PCF11: variants seen among roughly 807,000 people sequenced by gnomAD.
PCF11 encodes the protein pre-mRNA cleavage complex 2 protein Pcf11.
A neutral mutation model predicts 166.1 loss-of-function variants in PCF11; 19 were observed. The ratio of observed to expected loss-of-function variants is 0.11; its 90% CI spans 0.08 to 0.17. The LOEUF (loss-of-function observed/expected upper bound fraction) is 0.17, where lower values mean the gene tolerates loss of function less well. PCF11 is among the 10% of genes least tolerant of loss of function. The pLI is 1.00. For missense variants in PCF11, 1,565 were observed against 1,855.5 expected (o/e 0.84, Z 2.88); for synonymous variants, 663 against 644.1 (o/e 1.03, Z -0.44).
intron 2 of PCF11, among the ~76,000 whole-genome samples, chr11:83,162,282 A>G (rs748870919): frequency 3.9e-5 from 6 of 152,186 alleles, no homozygotes; most frequent in Non-Finnish European, 8.8e-5. Flanking sequence ...GTAGATGAAC[A>G]CCTGTGTGTC....
chr11:83,166,522 G>C, exon 5 of PCF11: 1 of 1,613,896 alleles, frequency 6.2e-7, no homozygotes, highest in Non-Finnish European at 8.5e-7. Context: ...AGGGAAGACA[G>C]AAATGCTAAG....
Position 83,167,566 on chromosome 11 carries a change from A to G in PCF11, c.2092+61A>G, listed in dbSNP as rs1391762084. 3 of 1,567,784 alleles carry G rather than the reference A, an allele frequency of 1.9e-6. No individual in the cohort carries two copies. Among genetic ancestry groups the G allele is most frequent in the African/African-American group, 1.4e-5 (1 of 73,898 alleles). On this transcript the variant is annotated intron_variant, in intron 7 of 15. Coordinates refer to ENST00000298281, the Ensembl canonical transcript of PCF11. The surrounding 1 kb of genome is among the most constrained non-coding windows in gnomAD (Gnocchi z 4.2). ...GAAGAAAATAAAGGTGGATTAAAAA[A>G]GAAACCTCTCTTATCTGATGCTGAA...
chr11:83,169,246 G>A, exon 8 of PCF11: 1 of 1,613,744 alleles, frequency 6.2e-7, no homozygotes, highest in Non-Finnish European at 8.5e-7. Flanking sequence ...GAGATTTGAG[G>A]GACAACATAA....
At chr11:83,159,585 A>C (rs1187583567) in intron 1 of PCF11, among the ~76,000 whole-genome samples, 1 of 152,196 alleles carries the variant, frequency 6.6e-6, no homozygotes, top group Non-Finnish European at 1.5e-5. Context: ...TTTGCTGGTA[A>C]AAGACAGCTG....
intron 11 of PCF11, among the ~76,000 whole-genome samples, chr11:83,178,335 T>G (rs922448940): frequency 3.9e-5 from 6 of 152,092 alleles, no homozygotes; most frequent in Non-Finnish European, 5.9e-5. Context: ...AAATTTTCAT[T>G]TTTTAATCTG....
intron 1 of PCF11, 47 bp from the exon 2 acceptor site, chr11:83,161,280 T>A: frequency 2.7e-6 from 4 of 1,480,304 alleles, no homozygotes; most frequent in Non-Finnish European, 3.7e-6. Context: ...AAATAATTAT[T>A]TGGTGGTAAT....
exon 16 of PCF11, chr11:83,186,492 C>T (rs1341462019): frequency 1.3e-5 from 2 of 152,252 alleles, no homozygotes; most frequent in Admixed American, 1.3e-4. Context: ...CTGCCTTGGC[C>T]TCCCAGAGTG....
exon 14 of PCF11, chr11:83,182,468 A>G: frequency 1.3e-6 from 2 of 1,550,370 alleles, no homozygotes; most frequent in Non-Finnish European, 1.8e-6. Flanking sequence ...GCATTTGAAA[A>G]ATGCTATTAG....
At chr11:83,186,529 C>A (rs1055058347) in exon 16 of PCF11, 1 of 152,078 alleles carries the variant, frequency 6.6e-6, no homozygotes, top group East Asian at 1.9e-4. Flanking sequence ...GAGCCACGTG[C>A]CCAGCCTTTA....
intron 12 of PCF11, 45 bp from the exon 13 acceptor site, chr11:83,181,809 T>A: frequency 7.0e-7 from 1 of 1,431,632 alleles, no homozygotes; most frequent in Non-Finnish European, 9.4e-7. Flanking sequence ...CAGTAAAAAT[T>A]TAGAAATAAA....
rs1482756951 is a variant in PCF11 at position 83,166,274 on chromosome 11, A to G, written c.1377A>G (p.Thr459=). The change falls in exon 5 of 16, where the codon ACA becomes ACG. Residue 459 remains threonine, a synonymous_variant. Transcript: ENST00000298281. ...ATGGCATTGTACAAAAACAGGATACAATAACAGAAGAGTCAGAAAAACAGG... is the reference window on the plus strand; with the variant it reads ...ATGGCATTGTACAAAAACAGGATACGATAACAGAAGAGTCAGAAAAACAGG... 2.5e-6 allele frequency: 4 copies of G among 1,613,406 alleles called. No individual in the cohort carries two copies. The Admixed American group carries it at 5.0e-5, about 20-fold the overall frequency.
chr11:83,163,732 A>T, exon 3 of PCF11: 1 of 1,595,872 alleles, frequency 6.3e-7, no homozygotes, highest in Non-Finnish European at 8.6e-7. Context: ...CATGGGATGA[A>T]ATATTCCCTT....
chr11:83,181,279 T>A, intron 12 of PCF11, 88 bp downstream of exon 12: 1 of 405,604 alleles, frequency 2.5e-6, no homozygotes, highest in Non-Finnish European at 3.9e-6. Flanking sequence ...TATTAAAATT[T>A]AATTTTAATT....
chr11:83,163,927 T>C, intron 3 of PCF11, 60 bp downstream of exon 3: 1 of 794,452 alleles, frequency 1.3e-6, no homozygotes, highest in South Asian at 2.4e-5. Context: ...TGAATTCTTC[T>C]GCAGAACTTA....
chr11:83,169,172 C>T (rs1860585747), exon 8 of PCF11: 1 of 1,613,312 alleles, frequency 6.2e-7, no homozygotes, highest in South Asian at 1.1e-5. Context: ...TTTGAGGGCC[C>T]TTTGCTACAG....
At chr11:83,175,322 G>A (rs551032635) in intron 9 of PCF11, among the ~76,000 whole-genome samples, 135 of 152,126 alleles carry the variant, frequency 8.9e-4, no homozygotes, top group South Asian at 7.7e-3. Context: ...TAGTAGAGAC[G>A]GGGTTTCACC....
intron 2 of PCF11, 21 bp from the exon 3 acceptor site, chr11:83,163,658 A>G (rs538404093): frequency 5.6e-5 from 60 of 1,073,078 alleles, no homozygotes; most frequent in Non-Finnish European, 6.6e-5. Context: ...AACAAGCCAT[A>G]GAATTGTTCT....
At chr11:83,185,220 T>C (rs1029488438) in exon 16 of PCF11, 6 of 176,432 alleles carry the variant, frequency 3.4e-5, no homozygotes, top group Non-Finnish European at 7.1e-5. Flanking sequence ...AGTGTAATAT[T>C]TATGCACACC....
At chr11:83,177,565 A>G in intron 10 of PCF11, 149 bp from the exon 11 acceptor site, 1 of 428,726 alleles carries the variant, frequency 2.3e-6, no homozygotes, top group Non-Finnish European at 4.1e-6. Flanking sequence ...AAAAAATTGT[A>G]TTAGGTTCCT....
Sources: gnomAD v4.1 joint callset for allele counts (sites outside exome capture counted in the v4.1 genomes callset) on GRCh38, gnomAD v4.1.1 for gene constraint, Gnocchi (gnomAD v3.1) non-coding constraint, MANE v1.5 for transcripts, NCBI Gene and HGNC (gene_info 2026-07-23, HGNC 2026-07-21) for gene names.